OR4F16: variants seen among roughly 807,000 people sequenced by gnomAD.
OR4F16 encodes the protein olfactory receptor family 4 subfamily F member 16, also known as olfactory receptor 4F3/4F16/4F29.
At chr1:718,467 G>A in the OR4F16 span, among the ~76,000 whole-genome samples, 4 of 102,700 alleles carry the variant, frequency 3.9e-5, no homozygotes, top group Non-Finnish European at 7.0e-5. Flanking sequence ...TCTTTTGAAA[G>A]TCGATAATCT....
chr1:701,377 T>G, the OR4F16 span, among the ~76,000 whole-genome samples: 2 of 149,692 alleles, frequency 1.3e-5, no homozygotes, highest in Non-Finnish European at 2.9e-5. Flanking sequence ...CGAAAAAGTT[T>G]GTGGATCTGG....
At chr1:704,172 CAA>C in the OR4F16 span, among the ~76,000 whole-genome samples, 3 of 2,012 alleles carry the variant, frequency 1.5e-3, 1 homozygote, top group African/African-American at 1.9e-3. Context: ...CATATGAAAA[CAA>C]GAGATAAATA....
the OR4F16 span, among the ~76,000 whole-genome samples, chr1:679,764 C>G: frequency 3.2e-5 from 2 of 62,616 alleles, no homozygotes; most frequent in Non-Finnish European, 6.2e-5. Flanking sequence ...GATGGATTCA[C>G]AGCCGAATTC....
At chr1:712,633 GGAAT>G in the OR4F16 span, among the ~76,000 whole-genome samples, 5 of 147,508 alleles carry the variant, frequency 3.4e-5, no homozygotes, top group East Asian at 2.0e-4. Context: ...AAAATATAAA[GGAAT>G]AATATAATAA....
At chr1:712,050 A>ATAT in the OR4F16 span, 11 of 2,084 alleles carry the variant, frequency 5.3e-3, no homozygotes, top group African/African-American at 6.7e-3. Flanking sequence ...TATGTATTAT[A>ATAT]TATATTATAT....
At chr1:689,962 C>T (rs3906170), upstream of OR4F16, among the ~76,000 whole-genome samples, 22,769 of 99,976 alleles carry the variant, frequency 0.23, 378 homozygotes, top group East Asian at 0.31. Flanking sequence ...CTTTAATACA[C>T]TCATTCAAGG....
the OR4F16 span, among the ~76,000 whole-genome samples, chr1:715,804 C>T: frequency 6.7e-6 from 1 of 149,976 alleles, no homozygotes; most frequent in African/African-American, 2.5e-5. Flanking sequence ...TGCACTCAAG[C>T]CTGGGTGGTA....
the OR4F16 span, chr1:712,054 A>G: frequency 4.8e-4 from 1 of 2,092 alleles, no homozygotes; most frequent in South Asian, 0.056. Flanking sequence ...TATTATATAT[A>G]TTATATATCT....
chr1:701,596 C>T, the OR4F16 span, among the ~76,000 whole-genome samples: 2 of 150,154 alleles, frequency 1.3e-5, no homozygotes, highest in African/African-American at 2.5e-5. Context: ...TACTATGCCG[C>T]CATTAAAAAA....
the OR4F16 span, among the ~76,000 whole-genome samples, chr1:710,259 AAAT>A: frequency 7.6e-6 from 1 of 132,196 alleles, no homozygotes; most frequent in Non-Finnish European, 1.6e-5. Flanking sequence ...TTGCATAATT[AAAT>A]ATTATGCAAT....
chr1:717,234 T>C, the OR4F16 span, among the ~76,000 whole-genome samples: 3 of 150,912 alleles, frequency 2.0e-5, no homozygotes, highest in Non-Finnish European at 4.4e-5. Context: ...TGGGAGAATG[T>C]TGAAAACTCA....
At chr1:713,431 A>G in the OR4F16 span, among the ~76,000 whole-genome samples, 2 of 123,658 alleles carry the variant, frequency 1.6e-5, no homozygotes, top group Non-Finnish European at 3.1e-5. Flanking sequence ...AAAAATTCAC[A>G]ATATTTGCCA....
the OR4F16 span, among the ~76,000 whole-genome samples, chr1:710,225 T>A: frequency 0.044 from 5,794 of 133,028 alleles, 132 homozygotes; most frequent in Non-Finnish European, 0.067. Context: ...ACACTATATA[T>A]TTTCAATGTA....
the OR4F16 span, among the ~76,000 whole-genome samples, chr1:715,541 T>A: frequency 1.8e-4 from 13 of 72,488 alleles, no homozygotes; most frequent in Middle Eastern, 0.013. Flanking sequence ...TAGATTTTTT[T>A]AAAAAGAAAA....
the OR4F16 span, among the ~76,000 whole-genome samples, chr1:715,436 C>T: frequency 1.3e-4 from 1 of 7,552 alleles, no homozygotes; most frequent in Non-Finnish European, 2.7e-4. Context: ...TGGCAAAGAT[C>T]GTATATAGAA....
upstream of OR4F16, among the ~76,000 whole-genome samples, chr1:691,552 GA>G (rs1297465202): frequency 2.1e-5 from 3 of 141,426 alleles, no homozygotes; most frequent in Non-Finnish European, 3.1e-5. Context: ...CACATAAAAA[GA>G]AAAAAAATGT....
the OR4F16 span, chr1:702,059 C>G: frequency 6.9e-6 from 1 of 145,890 alleles, no homozygotes; most frequent in Non-Finnish European, 1.5e-5. Context: ...ATGAGACCCA[C>G]CACTGGCTGG....
chr1:710,286 CAAAA>C, the OR4F16 span, among the ~76,000 whole-genome samples: 1 of 117,262 alleles, frequency 8.5e-6, no homozygotes, highest in Non-Finnish European at 1.8e-5. Context: ...AATGAGAAAA[CAAAA>C]AAGTAGAAAA....
chr1:701,820 A>C, the OR4F16 span: 7 of 151,576 alleles, frequency 4.6e-5, no homozygotes, highest in African/African-American at 1.7e-4. Flanking sequence ...ACTATTGGGT[A>C]CTAGGTTTAA....
Sources: allele counts gnomAD v4.1 joint callset (sites outside exome capture counted in the v4.1 genomes callset), GRCh38; gene constraint gnomAD v4.1.1; transcripts MANE v1.5; gene names NCBI Gene and HGNC (gene_info 2026-07-23, HGNC 2026-07-21).